The following HAUS5 variants were observed in gnomAD, a reference collection of about 807,000 sequenced individuals.
HAUS5 encodes the protein HAUS augmin-like complex subunit 5.
Under a neutral mutation model 94.1 loss-of-function variants are expected in HAUS5, and 67 were observed. The ratio of observed to expected loss-of-function variants is 0.71; its 90% CI spans 0.58 to 0.87. HAUS5 has a LOEUF of 0.87. Among genes scored for constraint, HAUS5 ranks in the 40% least tolerant of loss-of-function variants. The probability of loss-of-function intolerance (pLI) is 0.00; values close to 1 mark genes in which losing one functional copy is unlikely to be tolerated. For missense variants in HAUS5, 739 were observed against 825.6 expected (o/e 0.90, Z 1.29); for synonymous variants, 339 against 355.4 (o/e 0.95, Z 0.52).
chr19:35,622,871 C>A lies in HAUS5; in HGVS notation c.1785-5C>A, dbSNP rs752198657. On this transcript the variant is annotated splice_polypyrimidine_tract_variant and splice_region_variant and intron_variant, in intron 18 of 18. Coordinates refer to ENST00000203166, the MANE Select transcript of HAUS5 (RefSeq NM_015302.2). ...TTTCCTCGTTGACGCCATGCCATTCCCCAGGTGGGAGCAGCCAGGCCAGGC... is the reference window on the plus strand; with the variant it reads ...TTTCCTCGTTGACGCCATGCCATTCACCAGGTGGGAGCAGCCAGGCCAGGC... 4.3e-6 allele frequency: 7 copies of A among 1,612,990 alleles called. No individual in the cohort carries two copies. In the South Asian group the frequency reaches 6.6e-5, roughly 15 times the overall value.
chr19:35,619,101 ACTATGG>A, intron 13 of HAUS5, 52 bp downstream of exon 13: 1 of 1,492,878 alleles, frequency 6.7e-7, no homozygotes, highest in Non-Finnish European at 8.9e-7. Flanking sequence ...AGGCTTGAAA[ACTATGG>A]CTAAGAACTG....
chr19:35,618,759 T>A, intron 12 of HAUS5, 60 bp downstream of exon 12: 1 of 1,535,684 alleles, frequency 6.5e-7, no homozygotes, highest in South Asian at 1.3e-5. Flanking sequence ...TCTCAGCCCA[T>A]TGGACTTTTT....
chr19:35,620,437 T>A, intron 17 of HAUS5, 110 bp downstream of exon 17: 1 of 937,170 alleles, frequency 1.1e-6, no homozygotes. Context: ...CATTGTGTGC[T>A]AAGGGCTTTA....
intron 17 of HAUS5, 129 bp from the exon 18 acceptor site, chr19:35,622,472 C>A: frequency 1.1e-6 from 1 of 929,016 alleles, no homozygotes; most frequent in South Asian, 1.6e-5. Flanking sequence ...GAGAAGGAGA[C>A]AGACTCATCA....
At position 35,624,899 on chromosome 19, in the gene HAUS5, C is replaced by G. The variant is rs563790452; in HGVS notation, c.*1906C>G. The G allele has an allele frequency of 1.9e-4, 29 of 152,144 alleles. No homozygotes were observed. Among genetic ancestry groups the G allele is most frequent in the African/African-American group, 6.5e-4 (27 of 41,538 alleles). The allele number at this position is 152,144 out of a possible 1,614,324, so 9.4% of individuals were successfully genotyped here. A position where few individuals can be genotyped will look rare whatever the true frequency, so the allele number is the denominator to read the frequency against. ...GCTTTATGATCTTGAACCTTGCTGTCCATCTCTCACACAACTCCTCTCTTG... is the reference window on the plus strand; with the variant it reads ...GCTTTATGATCTTGAACCTTGCTGTGCATCTCTCACACAACTCCTCTCTTG... On this transcript the variant is annotated 3_prime_UTR_variant, in exon 19 of 19. Transcript: ENST00000203166.
At position 35,623,807 on chromosome 19, in the gene HAUS5, G is replaced by C. The variant is rs950167905; in HGVS notation, c.*814G>C. The C allele has an allele frequency of 6.6e-6, 1 of 152,260 alleles. No individual in the cohort carries two copies. The highest frequency in any genetic ancestry group is 2.4e-5 in the African/African-American group (1 of 41,456). 9.4% of individuals were successfully genotyped at this position (152,260 alleles called of 1,614,324 possible). On this transcript the variant is annotated 3_prime_UTR_variant, in exon 19 of 19. Transcript: ENST00000203166. ...AGACACAGAAATGTCCTAGCTGATG[G>C]GAATGTGCTGTGTCAAGAGCAGCGG...
At chr19:35,621,267 C>T (rs569690992) in intron 17 of HAUS5, among the ~76,000 whole-genome samples, 151 of 152,274 alleles carry the variant, frequency 9.9e-4, no homozygotes, top group Non-Finnish European at 1.1e-3. Context: ...ATGAGAGCAG[C>T]CCCAGACCCC....
Position 35,615,072 on chromosome 19 carries a change from G to C in HAUS5, c.250G>C (p.Val84Leu), listed in dbSNP as rs1568327323. 1.2e-6 allele frequency: 2 copies of C among 1,603,082 alleles called. No individual in the cohort carries two copies. The highest frequency in any genetic ancestry group is 1.7e-5 in the Admixed American group (1 of 58,412). ...TCGGAAGTTAGAGCTGGAAGCTGCT[G>C]TGACCCGCCTGCGGGCAGAAATCCA... ...VRRKLELEAA[V>L]TRLRAEIQEL... is the part of the protein sequence containing the mutation. The change falls in exon 5 of 19, where the codon GTG becomes CTG. Residue 84 changes from valine (V) to leucine (L), a missense_variant. Val to Leu is a conservative substitution (Grantham distance 32, BLOSUM62 1). Transcript: ENST00000203166.
chr19:35,623,038 C>A lies in HAUS5; in HGVS notation c.*45C>A. 1.6e-6 allele frequency: 2 copies of A among 1,231,522 alleles called. No homozygotes were observed. The highest frequency in any genetic ancestry group is 2.3e-6 in the Non-Finnish European group (2 of 851,198). 76.3% of individuals were successfully genotyped at this position (1,231,522 alleles called of 1,614,324 possible). On this transcript the variant is annotated 3_prime_UTR_variant, in exon 19 of 19. Coordinates refer to ENST00000203166, the MANE Select transcript of HAUS5 (RefSeq NM_015302.2). ...GCCGAGAACTTGACACTGTTCACCCCAACACCTCACCTCCCCCAGGACATT... is the reference window on the plus strand; with the variant it reads ...GCCGAGAACTTGACACTGTTCACCCAAACACCTCACCTCCCCCAGGACATT...
chr19:35,619,592 C>CCA, intron 14 of HAUS5, 21 bp from the exon 15 acceptor site: 1 of 1,524,182 alleles, frequency 6.6e-7, no homozygotes, highest in Non-Finnish European at 9.0e-7. Flanking sequence ...ATGCCCCACC[C>CCA]ACCCCTCCCC....
rs559915769 is a variant in HAUS5, at chr19:35,625,150, A to C, written c.*2157A>C. ...ACTGGCATTTTTATTTTGATAAAAT[A>C]GACCGTTTAAATTTTTGAGATTCTA... On this transcript the variant is annotated 3_prime_UTR_variant, in exon 19 of 19. Coordinates refer to ENST00000203166, the MANE Select transcript of HAUS5 (RefSeq NM_015302.2). 1 of 152,346 alleles carries C rather than the reference A, an allele frequency of 6.6e-6. No individual in the cohort carries two copies. Among genetic ancestry groups the C allele is most frequent in the South Asian group, 2.1e-4 (1 of 4,826 alleles). 9.4% of individuals were successfully genotyped at this position (152,346 alleles called of 1,614,324 possible).
intron 4 of HAUS5, chr19:35,614,316 C>T (rs949937284): frequency 1.8e-6 from 1 of 551,740 alleles, no homozygotes; most frequent in Non-Finnish European, 3.3e-6. Flanking sequence ...CCTGAGGGCT[C>T]CAGGAAGCGA....
At chr19:35,616,996 T>C (rs886651032) in intron 6 of HAUS5, 128 bp from the exon 7 acceptor site, 22 of 732,908 alleles carry the variant, frequency 3.0e-5, no homozygotes, top group Middle Eastern at 7.7e-4. Context: ...AGTGGCCTAA[T>C]CTGGAGATGG....
chr19:35,620,781 C>T (rs774005924), intron 17 of HAUS5, among the ~76,000 whole-genome samples: 2 of 152,176 alleles, frequency 1.3e-5, no homozygotes, highest in African/African-American at 2.4e-5. Context: ...AATATCTTAC[C>T]GAGGTGCTGG....
intron 17 of HAUS5, 85 bp from the exon 18 acceptor site, chr19:35,622,516 G>A (rs1402978400): frequency 7.1e-7 from 1 of 1,410,282 alleles, no homozygotes; most frequent in East Asian, 2.3e-5. Flanking sequence ...TCAAGACTAG[G>A]GGACTGGAGA....
Position 35,623,052 on chromosome 19 carries a change from C to A in HAUS5, c.*59C>A. The A allele has an allele frequency of 8.9e-7, 1 of 1,124,684 alleles. No individual in the cohort carries two copies. Among genetic ancestry groups the A allele is most frequent in the African/African-American group, 1.6e-5 (1 of 64,460 alleles). The allele number at this position is 1,124,684 out of a possible 1,614,324, so 69.7% of individuals were successfully genotyped here. A position where few individuals can be genotyped will look rare whatever the true frequency, so the allele number is the denominator to read the frequency against. ...ACTGTTCACCCCAACACCTCACCTCCCCCAGGACATTTGGAAGAAAGCAGC... is the reference window on the plus strand; with the variant it reads ...ACTGTTCACCCCAACACCTCACCTCACCCAGGACATTTGGAAGAAAGCAGC... On this transcript the variant is annotated 3_prime_UTR_variant, in exon 19 of 19. Coordinates refer to ENST00000203166, the MANE Select transcript of HAUS5 (RefSeq NM_015302.2).
At chr19:35,614,395 G>A (rs1226840195) in intron 4 of HAUS5, among the ~76,000 whole-genome samples, 2 of 151,988 alleles carry the variant, frequency 1.3e-5, no homozygotes, top group African/African-American at 4.8e-5. Flanking sequence ...GACCAGCCTG[G>A]CCAACACGGT....
rs750360328 is a variant in HAUS5 at position 35,619,686 on chromosome 19, G to T, written c.1334G>T (p.Arg445Leu). The T allele has an allele frequency of 1.3e-6, 2 of 1,581,524 alleles. No homozygotes were observed. The highest frequency in any genetic ancestry group is 2.3e-5 in the East Asian group (1 of 43,504). ...AVAPQSRELL[R>L]CLEEEVRHLP... ...GCACCACAGAGCCGGGAGCTGCTGC[G>T]CTGTCTGGAGGAGGAAGTCCGGCAT... Residue 445 changes from arginine (R) to leucine (L), a missense_variant, in exon 15 of 19, where the codon CGC becomes CTC. Physicochemically the swap from Arg to Leu is moderately radical, Grantham distance 102. Transcript: ENST00000203166.
intron 1 of HAUS5, among the ~76,000 whole-genome samples, chr19:35,613,231 A>T (rs1160623818): frequency 6.6e-6 from 1 of 152,082 alleles, no homozygotes; most frequent in African/African-American, 2.4e-5. Flanking sequence ...TGTAGGAGTG[A>T]TGCCCCACGT....
Sources: allele counts gnomAD v4.1 joint callset (sites outside exome capture counted in the v4.1 genomes callset), GRCh38; gene constraint gnomAD v4.1.1; transcripts MANE v1.5; gene names NCBI Gene and HGNC (gene_info 2026-07-23, HGNC 2026-07-21).